Variants in RYR3 observed in about 807,000 individuals in gnomAD.
RYR3 encodes the protein ryanodine receptor 3.
RYR3 carries 207 observed loss-of-function variants against 584.3 expected under a neutral mutation model. That is an observed-to-expected ratio of 0.35 (90% CI 0.32 to 0.40). The LOEUF is 0.40. Among genes scored for constraint, RYR3 ranks in the 10% least tolerant of loss-of-function variants. The probability of loss-of-function intolerance (pLI) is 1.00; values close to 1 mark genes in which losing one functional copy is unlikely to be tolerated. For missense variants in RYR3, 5,616 were observed against 6,089.2 expected, an observed-to-expected ratio of 0.92 and a Z score of 2.59; for synonymous variants, 2,416 against 2,248.5, an observed-to-expected ratio of 1.07 and a Z score of -2.11.
chr15:33,487,977 TA>T (rs2050607920), intron 2 of RYR3, among the ~76,000 whole-genome samples: 1 of 152,218 alleles, frequency 6.6e-6, no homozygotes, highest in African/African-American at 2.4e-5. Context: ...AGAAATAGCA[TA>T]GAAGTCAAGT....
intron 1 of RYR3, among the ~76,000 whole-genome samples, chr15:33,425,803 G>T (rs4780117): frequency 1.3e-5 from 2 of 151,220 alleles, no homozygotes; most frequent in Admixed American, 1.3e-4. Context: ...CACCACACCC[G>T]GCTAATTTTT....
intron 12 of RYR3, among the ~76,000 whole-genome samples, chr15:33,568,152 G>T (rs572351048): frequency 1.1e-4 from 16 of 152,192 alleles, no homozygotes; most frequent in African/African-American, 3.9e-4. Flanking sequence ...CCTAGGGCTG[G>T]GGTGTCTTGG....
chr15:33,391,656 G>C (rs1265184761), intron 1 of RYR3, among the ~76,000 whole-genome samples: 2 of 151,920 alleles, frequency 1.3e-5, no homozygotes, highest in Non-Finnish European at 2.9e-5. Context: ...AAATTTGAAG[G>C]GCTGGACCAA....
rs998299041 is a variant in RYR3 at position 33,866,048 on chromosome 15, G to C, written c.*822G>C. 1 of 154,526 alleles carries C rather than the reference G, an allele frequency of 6.5e-6. No homozygotes were observed. Among genetic ancestry groups the C allele is most frequent in the Non-Finnish European group, 1.4e-5 (1 of 69,312 alleles). The allele number at this position is 154,526 out of a possible 1,614,324, so 9.6% of individuals were successfully genotyped here. ...AGTAGTGGAGCTGCTCTGTTTAGGT[G>C]AATCTCCTCAAATACAATGAAGTGC... On this transcript the variant is annotated 3_prime_UTR_variant, in exon 104 of 104. Coordinates refer to ENST00000634891, the MANE Select transcript of RYR3 (RefSeq NM_001036.6).
chr15:33,636,425 C>T lies in RYR3; in HGVS notation c.3431C>T (p.Pro1144Leu), dbSNP rs1188802935. ...GGGTATTTTGGGCGTACCTGGCAGC[C>T]AGGGGATGTGGTCGGATGTATGATT... is the stretch of plus-strand genomic sequence containing the variant. ...GSGYFGRTWQ[P>L]GDVVGCMINL... The change falls in exon 27 of 104, where the codon CCA becomes CTA. Residue 1144 changes from proline to leucine, a missense_variant. Physicochemically the swap from Pro to Leu is moderately conservative, Grantham distance 98. Around this residue, in one of 9 missense-constraint regions of RYR3, gnomAD observed 152 missense variants for 200.9 expected, o/e 0.76. Transcript: ENST00000634891. The T allele has an allele frequency of 1.2e-6, 2 of 1,613,784 alleles. No homozygotes were observed. Among genetic ancestry groups the T allele is most frequent in the Non-Finnish European group, 1.7e-6 (2 of 1,179,846 alleles).
rs772304950 is a variant in RYR3 at position 33,601,550 on chromosome 15, C to G, written c.1920C>G (p.Thr640=). ...AGACACGACTGATTAACGATGTAAC[C>G]AGGTAAGGCCACCACCACCATTCCA... ...LLQTRLINDV[T]SIRPNIFLGV... is the part of the protein sequence containing the mutation. Residue 640 remains threonine (T), a splice_region_variant and synonymous_variant, in exon 17 of 104, where the codon ACC becomes ACG. Coordinates refer to ENST00000634891, the MANE Select transcript of RYR3 (RefSeq NM_001036.6). 6.2e-7 allele frequency: 1 copy of G among 1,613,738 alleles called. No homozygotes were observed. Among genetic ancestry groups the G allele is most frequent in the Admixed American group, 1.7e-5 (1 of 60,012 alleles).
intron 1 of RYR3, among the ~76,000 whole-genome samples, chr15:33,319,721 A>C (rs1427879149): frequency 1.3e-5 from 2 of 152,240 alleles, no homozygotes; most frequent in Non-Finnish European, 2.9e-5. Flanking sequence ...ATTAATGATT[A>C]CATCTCAGAG....
intron 3 of RYR3, among the ~76,000 whole-genome samples, chr15:33,523,145 CACCAATCAGCACTCTGTAAAATGG>C (rs1474642002): frequency 6.6e-5 from 10 of 152,052 alleles, no homozygotes; most frequent in Non-Finnish European, 1.5e-4. Flanking sequence ...ATTGTAAACA[CACCAATCAGCACTCTGTAAAATGG>C]ACCAATCAGC....
intron 32 of RYR3, among the ~76,000 whole-genome samples, chr15:33,655,770 G>A (rs923771043): frequency 7.2e-5 from 11 of 152,212 alleles, no homozygotes; most frequent in East Asian, 1.9e-4. Context: ...CATTCCAGGC[G>A]AGACAGTAAC....
chr15:33,370,833 A>G lies in RYR3; in HGVS notation c.51+59737A>G, dbSNP rs545645487. Among the ~76,000 whole-genome samples the G allele has an allele frequency of 4.6e-5, 7 of 152,290 alleles. No individual in the cohort carries two copies. In the East Asian group the frequency reaches 1.4e-3, roughly 30 times the overall value. On this transcript the variant is annotated intron_variant, in intron 1 of 103. Transcript: ENST00000634891. The stretch of plus-strand genomic sequence containing the variant: ...CAGACATAAGGAACTGGAAATAAAG[A>G]TGACTCATATCTAGAGCAGTAGCAT...
chr15:33,448,725 A>G (rs1454949195), intron 1 of RYR3, among the ~76,000 whole-genome samples: 2 of 152,172 alleles, frequency 1.3e-5, no homozygotes, highest in African/African-American at 4.8e-5. Flanking sequence ...GAAAACAATC[A>G]AAGAGTAAGA....
At chr15:33,861,026 TCCTGCCTATATTATGCCAACAAATG>T (rs1888002689) in intron 101 of RYR3, 27 bp from the exon 102 acceptor site, 1 of 1,310,640 alleles carries the variant, frequency 7.6e-7, no homozygotes, top group South Asian at 1.3e-5. Context: ...CAGTTTTCTC[TCCTGCCTATATTATGCCAACAAATG>T]CCTTTTCTGC....
intron 48 of RYR3, among the ~76,000 whole-genome samples, chr15:33,733,003 T>C (rs1417070901): frequency 1.3e-5 from 2 of 152,242 alleles, no homozygotes; most frequent in African/African-American, 4.8e-5. Context: ...CTCACATCGA[T>C]GTGAGTAGAA....
intron 69 of RYR3, among the ~76,000 whole-genome samples, chr15:33,803,843 G>A (rs553177059): frequency 6.6e-6 from 1 of 152,282 alleles, no homozygotes; most frequent in East Asian, 1.9e-4. Context: ...AGATTCAATG[G>A]CTTAGGACTG....
At chr15:33,823,879 A>C (rs976271510) in intron 81 of RYR3, among the ~76,000 whole-genome samples, 1 of 152,286 alleles carries the variant, frequency 6.6e-6, no homozygotes, top group African/African-American at 2.4e-5. Flanking sequence ...CCATTTAAAA[A>C]TGTGGAGGAT....
At chr15:33,757,127 T>G (rs1177669320) in intron 59 of RYR3, among the ~76,000 whole-genome samples, 1 of 152,196 alleles carries the variant, frequency 6.6e-6, no homozygotes, top group African/African-American at 2.4e-5. Flanking sequence ...GCAGACAGAA[T>G]GCTTGAGGCT....
intron 1 of RYR3, among the ~76,000 whole-genome samples, chr15:33,427,462 T>G (rs1461175230): frequency 6.6e-6 from 1 of 152,212 alleles, no homozygotes; most frequent in Non-Finnish European, 1.5e-5. Flanking sequence ...AAACTCTGAT[T>G]GGTAGTAATA....
Position 33,390,514 on chromosome 15 carries a change from A to G in RYR3, c.51+79418A>G, listed in dbSNP as rs374797673. On this transcript the variant is annotated intron_variant, in intron 1 of 103. Transcript: ENST00000634891. The surrounding 1 kb of genome is among the most constrained non-coding windows in gnomAD (Gnocchi z 4.2). ...CTGAAAATAGGGGAAAGTTCGACGC[A>G]TTTGTTTTCACGACTTCTTCTTCAG... is the stretch of plus-strand genomic sequence containing the variant. 1.3e-5 allele frequency among the ~76,000 whole-genome samples: 2 copies of G among 152,140 alleles called. No homozygotes were observed. Among genetic ancestry groups the G allele is most frequent in the Non-Finnish European group, 2.9e-5 (2 of 68,028 alleles).
chr15:33,638,426 C>G (rs2061619028), intron 27 of RYR3, among the ~76,000 whole-genome samples: 2 of 152,204 alleles, frequency 1.3e-5, no homozygotes. Context: ...AGGGCCTTTT[C>G]CAGGCCCTGC....
Sources: allele counts gnomAD v4.1 joint callset (sites outside exome capture counted in the v4.1 genomes callset), GRCh38; gene constraint gnomAD v4.1.1; regional missense constraint gnomAD v4.1.1; non-coding constraint Gnocchi (gnomAD v3.1); transcripts MANE v1.5; gene names NCBI Gene and HGNC (gene_info 2026-07-23, HGNC 2026-07-21).